The following ANK3 variants were observed in gnomAD, a reference collection of about 807,000 sequenced individuals.
ANK3 encodes the protein ankyrin 3, also known as ankyrin-3.
A neutral mutation model predicts 370.9 loss-of-function variants in ANK3; 57 were observed. The ratio of observed to expected loss-of-function variants is 0.15; its 90% CI spans 0.12 to 0.19. The LOEUF is 0.19. Ranked by LOEUF, ANK3 falls within the 10% of genes least tolerant of loss-of-function variation. The pLI, the probability that ANK3 is intolerant of heterozygous loss-of-function variation, is 1.00. For synonymous variants in ANK3, 1,929 were observed against 1,946.3 expected (o/e 0.99, Z 0.23); for missense variants, 4,439 against 5,302.1 (o/e 0.84, Z 5.06).
At chr10:60,098,724 A>C (rs2132060020) in intron 28 of ANK3, among the ~76,000 whole-genome samples, 1 of 152,350 alleles carries the variant, frequency 6.6e-6, no homozygotes, top group Middle Eastern at 3.4e-3. Context: ...GATAGTACGA[A>C]AGGCTCCATG....
Position 60,073,685 on chromosome 10 carries a change from G to T in ANK3, c.7196C>A (p.Ala2399Asp). ...CAGATAAGAAGGCAATGACTCTTCAGCAGTAAGTTCTTCTTCTTCTTGCTG... is the reference window on the plus strand; with the variant it reads ...CAGATAAGAAGGCAATGACTCTTCATCAGTAAGTTCTTCTTCTTCTTGCTG... The part of the protein sequence containing the change: ...QGQQEEEELT[A>D]EESLPSYLES... The change falls in exon 37 of 44, where the codon GCT becomes GAT. Residue 2399 changes from alanine (A) to aspartate (D), a missense_variant. Physicochemically the swap from Ala to Asp is moderately radical, Grantham distance 126 (BLOSUM62 -2). Coordinates refer to ENST00000280772, the MANE Select transcript of ANK3 (RefSeq NM_020987.5). The T allele has an allele frequency of 6.2e-7, 1 of 1,614,024 alleles. No individual in the cohort carries two copies.
At position 60,073,450 on chromosome 10, in the gene ANK3, A is replaced by G. The variant is rs371121126; in HGVS notation, c.7431T>C (p.His2477=). The G allele has an allele frequency of 1.2e-6, 2 of 1,613,942 alleles. No individual in the cohort carries two copies. The highest frequency in any genetic ancestry group is 1.3e-5 in the African/African-American group (1 of 74,920). The change falls in exon 37 of 44, where the codon CAT becomes CAC. Residue 2477 remains histidine, a synonymous_variant. Coordinates refer to ENST00000280772, the MANE Select transcript of ANK3 (RefSeq NM_020987.5). The part of the protein sequence containing the change: ...MLLSEKLDVS[H]SDTEESVTDH... The stretch of plus-strand genomic sequence containing the variant: ...CTGTAACCGATTCCTCAGTATCAGA[A>G]TGAGACACATCTAGCTTTTCTGACA...
chr10:60,228,995 C>T (rs1163390990), intron 8 of ANK3, among the ~76,000 whole-genome samples: 1 of 152,054 alleles, frequency 6.6e-6, no homozygotes, highest in African/African-American at 2.4e-5. Flanking sequence ...ATGAGGTTTA[C>T]AATGTAGTGT....
intron 1 of ANK3, among the ~76,000 whole-genome samples, chr10:60,663,728 T>A (rs1407934403): frequency 6.6e-6 from 1 of 152,232 alleles, no homozygotes; most frequent in Non-Finnish European, 1.5e-5. Flanking sequence ...TAAAGTAAAT[T>A]ATTTTAATTC....
chr10:60,136,495 A>G (rs2094350854), intron 24 of ANK3, among the ~76,000 whole-genome samples: 1 of 6,956 alleles, frequency 1.4e-4, no homozygotes, highest in African/African-American at 1.9e-4. Context: ...ATATGTTAAC[A>G]TTGGGGTGTA....
At chr10:60,083,908 T>C (rs1193316799) in intron 32 of ANK3, 2 of 227,288 alleles carry the variant, frequency 8.8e-6, no homozygotes, top group Non-Finnish European at 1.7e-5. Context: ...CACTTATTCG[T>C]ATAGATTTTG....
intron 1 of ANK3, among the ~76,000 whole-genome samples, chr10:60,307,790 T>A (rs2132832747): frequency 6.6e-6 from 1 of 152,308 alleles, no homozygotes; most frequent in South Asian, 2.1e-4. Flanking sequence ...CCTACTATCT[T>A]TTCATGTAAT....
intron 2 of ANK3, among the ~76,000 whole-genome samples, chr10:60,563,905 C>T (rs918077736): frequency 6.6e-6 from 1 of 152,114 alleles, no homozygotes; most frequent in African/African-American, 2.4e-5. Flanking sequence ...ACAGGTCTAA[C>T]ATTTTATGAA....
At chr10:60,662,669 C>T (rs978159431) in intron 1 of ANK3, among the ~76,000 whole-genome samples, 1 of 152,176 alleles carries the variant, frequency 6.6e-6, no homozygotes, top group Non-Finnish European at 1.5e-5. Context: ...TTATCAATCC[C>T]TAGCAAATGT....
rs1375571730 is a variant in ANK3 at position 60,144,834 on chromosome 10, C to A, written c.2615-5747G>T. On this transcript the variant is annotated intron_variant, in intron 23 of 43. Transcript: ENST00000280772. Reference sequence around the variant, plus strand: ...CCAGTACATGGTGTAATATACCCAACCCAACATCCTCACAATCTTTCATTA... The same window carrying A: ...CCAGTACATGGTGTAATATACCCAAACCAACATCCTCACAATCTTTCATTA... Among the ~76,000 whole-genome samples the A allele has an allele frequency of 2.0e-5, 3 of 152,158 alleles. No individual in the cohort carries two copies. In the East Asian group the frequency reaches 5.8e-4, roughly 29 times the overall value.
chr10:60,364,326 C>T (rs1172173196), intron 1 of ANK3, among the ~76,000 whole-genome samples: 2 of 151,336 alleles, frequency 1.3e-5, no homozygotes, highest in African/African-American at 4.9e-5. Flanking sequence ...ATTAAGGCTG[C>T]TCAAGTGATC....
At position 60,074,981 on chromosome 10, in the gene ANK3, C is replaced by A. The variant is rs1311071829; in HGVS notation, c.5900G>T (p.Cys1967Phe). 6.2e-7 allele frequency: 1 copy of A among 1,614,046 alleles called. No homozygotes were observed. Among genetic ancestry groups the A allele is most frequent in the African/African-American group, 1.3e-5 (1 of 75,044 alleles). The change falls in exon 37 of 44, where the codon TGT (cysteine) becomes TTT (phenylalanine). Residue 1967 changes from cysteine to phenylalanine, a missense_variant. This residue lies in a region of ANK3 where 679 missense variants were observed against 791.0 expected (regional missense o/e 0.86). Transcript: ENST00000280772. ...KVSEILKKDV[C>F]VDNKGSPKSP... ...TTTGGGTGATCCTTTATTATCTACA[C>A]ATACATCCTTTTTAAGGATTTCACT...
chr10:60,080,890 C>G (rs1042209419), intron 35 of ANK3, among the ~76,000 whole-genome samples: 16 of 152,150 alleles, frequency 1.1e-4, no homozygotes, highest in Non-Finnish European at 1.8e-4. Context: ...ATTAAATTTT[C>G]CTGGAACTGT....
At chr10:60,357,310 G>A (rs1183740882) in intron 1 of ANK3, among the ~76,000 whole-genome samples, 1 of 152,136 alleles carries the variant, frequency 6.6e-6, no homozygotes, top group African/African-American at 2.4e-5. Flanking sequence ...GGTATTTCCA[G>A]TTAACCATTC....
intron 1 of ANK3, among the ~76,000 whole-genome samples, chr10:60,622,365 C>T (rs61853515): frequency 0.12 from 18,725 of 151,962 alleles, 1,602 homozygotes; most frequent in East Asian, 0.27. Flanking sequence ...CTGCCTCAGC[C>T]TCCTGAGTAT....
intron 1 of ANK3, among the ~76,000 whole-genome samples, chr10:60,712,765 A>G (rs1172929489): frequency 6.6e-6 from 1 of 152,210 alleles, no homozygotes; most frequent in Non-Finnish European, 1.5e-5. Flanking sequence ...AAGAATGGAA[A>G]AGATACACCA....
chr10:60,252,176 C>G (rs947099570), intron 7 of ANK3, among the ~76,000 whole-genome samples: 4 of 152,212 alleles, frequency 2.6e-5, no homozygotes, highest in African/African-American at 9.7e-5. Context: ...CCTCTACACT[C>G]TAGGTACCCC....
rs11282162 is a variant in ANK3 at position 60,240,306 on chromosome 10, A to ATATATATTTTT, written c.799-5521_799-5520insAAAAATATATA. Among the ~76,000 whole-genome samples, 248 of 119,732 alleles carry ATATATATTTTT rather than the reference A, an allele frequency of 2.1e-3. 2 individuals are homozygous for ATATATATTTTT. Among genetic ancestry groups the ATATATATTTTT allele is most frequent in the South Asian group, 3.6e-3 (14 of 3,900 alleles). The allele number at this position is 119,732 out of a possible 152,430, so 78.5% of individuals were successfully genotyped here. A position where few individuals can be genotyped will look rare whatever the true frequency, so the allele number is the denominator to read the frequency against. On this transcript the variant is annotated intron_variant, in intron 7 of 43. Coordinates refer to ENST00000280772, the MANE Select transcript of ANK3 (RefSeq NM_020987.5). ...CATATATATATATATATATATATAT[A>ATATATATTTTT]TTTTTTTTTCTTTTTGAGATAGAGT...
intron 33 of ANK3, 34 bp downstream of exon 33, chr10:60,083,458 A>G: frequency 1.3e-6 from 2 of 1,590,764 alleles, no homozygotes; most frequent in African/African-American, 1.4e-5. Context: ...TTTTTTCCCC[A>G]TAATTCACAG....
Sources: allele counts gnomAD v4.1 joint callset (sites outside exome capture counted in the v4.1 genomes callset), GRCh38; gene constraint gnomAD v4.1.1; regional missense constraint gnomAD v4.1.1; transcripts MANE v1.5; gene names NCBI Gene and HGNC (gene_info 2026-07-23, HGNC 2026-07-21).